COL5A2: variants seen among roughly 807,000 people sequenced by gnomAD.
COL5A2 encodes the protein collagen type V alpha 2 chain, also known as collagen alpha-2(V) chain.
In COL5A2, 23 loss-of-function variants were observed where a neutral mutation model predicts 208.2. That is an observed-to-expected ratio of 0.11 (90% CI 0.08 to 0.16). The LOEUF is 0.16. COL5A2 is among the 10% of genes least tolerant of loss of function. COL5A2 has a pLI of 1.00. For missense variants in COL5A2, 1,590 were observed against 1,956.4 expected (o/e 0.81, Z 3.53); for synonymous variants, 625 against 628.5 (o/e 0.99, Z 0.08).
the COL5A2 span, among the ~76,000 whole-genome samples, chr2:189,269,241 T>C: frequency 1.3e-5 from 2 of 152,248 alleles, no homozygotes; most frequent in East Asian, 3.9e-4. Context: ...CCAGACTGAA[T>C]AGTCCCAAAC....
At chr2:189,272,375 G>C in the COL5A2 span, among the ~76,000 whole-genome samples, 1 of 151,990 alleles carries the variant, frequency 6.6e-6, no homozygotes, top group Non-Finnish European at 1.5e-5. Context: ...CATGAATGAA[G>C]CTGGAAACCA....
intron 44 of COL5A2, 57 bp downstream of exon 44, chr2:189,049,290 A>T: frequency 8.2e-7 from 1 of 1,225,196 alleles, no homozygotes; most frequent in South Asian, 1.3e-5. Flanking sequence ...AAATGAAAAA[A>T]ATTGTTTCCA....
At chr2:189,064,791 T>G (rs2105594972) in intron 24 of COL5A2, 136 bp from the exon 25 acceptor site, 1 of 842,074 alleles carries the variant, frequency 1.2e-6, no homozygotes, top group South Asian at 1.4e-5. Flanking sequence ...CGTATAAAAT[T>G]TTGTCACCAC....
chr2:189,359,677 T>C, the COL5A2 span, among the ~76,000 whole-genome samples: 5,547 of 152,246 alleles, frequency 0.036, 118 homozygotes, highest in Admixed American at 0.05. Flanking sequence ...ATAGATTCAG[T>C]AGTGAAGCCA....
chr2:189,371,872 G>A, the COL5A2 span, among the ~76,000 whole-genome samples: 8 of 152,298 alleles, frequency 5.3e-5, no homozygotes, highest in Non-Finnish European at 1.0e-4. Context: ...ATGTTATAAA[G>A]CAACCACTTG....
chr2:189,200,749 A>C (rs1689058313), intron 1 of COL5A2, among the ~76,000 whole-genome samples: 1 of 150,920 alleles, frequency 6.6e-6, no homozygotes, highest in Non-Finnish European at 1.5e-5. Context: ...ATACATAATG[A>C]GGGAAAAAGA....
the COL5A2 span, among the ~76,000 whole-genome samples, chr2:189,332,805 G>C: frequency 6.6e-6 from 1 of 152,160 alleles, no homozygotes; most frequent in Non-Finnish European, 1.5e-5. Context: ...CAGTAGAGTG[G>C]GGCCCTGCTG....
rs1037498234 is a variant in COL5A2, at chr2:189,033,844, C to A, written c.*226G>T. ...TGTCATTGGTCATCTTAAACCTAAA[C>A]TGTTGTATTGAAAAATATTTAAAAT... On this transcript the variant is annotated 3_prime_UTR_variant, in exon 54 of 54. Coordinates refer to ENST00000374866, the MANE Select transcript of COL5A2 (RefSeq NM_000393.5). 1 of 594,366 alleles carries A rather than the reference C, an allele frequency of 1.7e-6. No individual in the cohort carries two copies. Among genetic ancestry groups the A allele is most frequent in the Non-Finnish European group, 3.0e-6 (1 of 338,176 alleles). The allele number at this position is 594,366 out of a possible 1,614,324, so 36.8% of individuals were successfully genotyped here.
At chr2:189,096,637 A>G (rs1344056767) in intron 6 of COL5A2, among the ~76,000 whole-genome samples, 1 of 151,570 alleles carries the variant, frequency 6.6e-6, no homozygotes, top group Non-Finnish European at 1.5e-5. Flanking sequence ...AAAAAAAAAA[A>G]AGAAAAAAAA....
At chr2:189,276,991 A>G in the COL5A2 span, among the ~76,000 whole-genome samples, 1 of 152,168 alleles carries the variant, frequency 6.6e-6, no homozygotes, top group African/African-American at 2.4e-5. Flanking sequence ...CTAAATTGAT[A>G]TTTGGAGTAA....
chr2:189,038,695 T>C lies in COL5A2; in HGVS notation c.3925+577A>G, dbSNP rs543359437. Among the ~76,000 whole-genome samples, 3 of 148,852 alleles carry C rather than the reference T, an allele frequency of 2.0e-5. No homozygotes were observed. In the East Asian group the frequency reaches 5.9e-4, roughly 29 times the overall value. On this transcript the variant is annotated intron_variant, in intron 51 of 53. Coordinates refer to ENST00000374866, the MANE Select transcript of COL5A2 (RefSeq NM_000393.5). ...CTCCAAAGCCTTGTCAGTATCTGTT[T>C]TGTGACTTTTTTATTTTTTTGAGAC...
chr2:189,183,001 T>C (rs1205829773), upstream of COL5A2, among the ~76,000 whole-genome samples: 2 of 152,122 alleles, frequency 1.3e-5, no homozygotes, highest in East Asian at 1.9e-4. Context: ...TCCTCACTAA[T>C]AGTCAATCTT....
chr2:189,309,966 A>G, the COL5A2 span, among the ~76,000 whole-genome samples: 1 of 152,232 alleles, frequency 6.6e-6, no homozygotes, highest in Non-Finnish European at 1.5e-5. Flanking sequence ...GACTGGAAAG[A>G]ATAGTATTTC....
At chr2:189,343,215 A>C in the COL5A2 span, among the ~76,000 whole-genome samples, 2 of 152,132 alleles carry the variant, frequency 1.3e-5, no homozygotes, top group Admixed American at 6.6e-5. Flanking sequence ...AATTTACCAT[A>C]GTCCATAATT....
the COL5A2 span, among the ~76,000 whole-genome samples, chr2:189,284,699 A>C: frequency 6.6e-6 from 1 of 152,184 alleles, no homozygotes; most frequent in African/African-American, 2.4e-5. Flanking sequence ...TATAGAGTAT[A>C]TGTTGCTTAA....
At chr2:189,355,299 C>T in the COL5A2 span, among the ~76,000 whole-genome samples, 6 of 152,102 alleles carry the variant, frequency 3.9e-5, no homozygotes, top group African/African-American at 1.4e-4. Flanking sequence ...ATTAGTTCTG[C>T]TTGGTCCAGA....
In COL5A2 at chr2:189,110,532, T is replaced by TA. The variant is rs1687240705; in HGVS notation, c.98-84dup. On this transcript the variant is annotated intron_variant, in intron 1 of 53. Coordinates refer to ENST00000374866, the MANE Select transcript of COL5A2 (RefSeq NM_000393.5). ...AAAAGGTGAGCCATCTTGTGGATTC[T>TA]AAAAAATTCTGGACTAAGAAGTAAC... 4.5e-6 allele frequency: 6 copies of TA among 1,325,512 alleles called. No homozygotes were observed. The East Asian group carries it at 1.5e-4, about 32-fold the overall frequency. The allele number at this position is 1,325,512 out of a possible 1,614,324, so 82.1% of individuals were successfully genotyped here.
intron 5 of COL5A2, 38 bp from the exon 6 acceptor site, chr2:189,097,368 A>G (rs1310783667): frequency 6.2e-7 from 1 of 1,602,782 alleles, no homozygotes; most frequent in East Asian, 2.2e-5. Flanking sequence ...GCAAAAATGT[A>G]TACTTTCTTA....
rs140366379 is a variant in COL5A2 at position 189,085,047 on chromosome 2, C to A, written c.798+113G>T. The stretch of plus-strand genomic sequence containing the variant: ...GCTCCTGTTTACATTGAATTTAATG[C>A]AAGCTAAAAGGGTGGGGAAATGTAA... On this transcript the variant is annotated intron_variant, in intron 11 of 53. Transcript: ENST00000374866. 751 of 846,306 alleles carry A rather than the reference C, an allele frequency of 8.9e-4. 5 individuals carry two copies. The African/African-American group carries it at 9.0e-3, about 10-fold the overall frequency. 52.4% of individuals were successfully genotyped at this position (846,306 alleles called of 1,614,324 possible). A position where few individuals can be genotyped will look rare whatever the true frequency, so the allele number is the denominator to read the frequency against.
Sources: allele counts gnomAD v4.1 joint callset (sites outside exome capture counted in the v4.1 genomes callset), GRCh38; gene constraint gnomAD v4.1.1; transcripts MANE v1.5; gene names NCBI Gene and HGNC (gene_info 2026-07-23, HGNC 2026-07-21).